Variants in SLC24A4 observed in about 807,000 individuals in gnomAD.
SLC24A4 encodes solute carrier family 24 member 4, also known as sodium/potassium/calcium exchanger 4.
SLC24A4 carries 53 observed loss-of-function variants against 79.0 expected under a neutral mutation model. The observed-to-expected ratio is 0.67, with a 90% CI of 0.54 to 0.84. The LOEUF (loss-of-function observed/expected upper bound fraction) is 0.84. SLC24A4 is among the 40% of genes least tolerant of loss of function. The pLI, the probability that SLC24A4 is intolerant of heterozygous loss-of-function variation, is 0.00. For missense variants in SLC24A4, 731 were observed against 822.0 expected, an observed-to-expected ratio of 0.89 and a Z score of 1.35; for synonymous variants, 323 against 323.8, an observed-to-expected ratio of 1.00 and a Z score of 0.03.
At chr14:92,395,466 C>CACACAT (rs1555365406) in intron 2 of SLC24A4, among the ~76,000 whole-genome samples, 54 of 151,024 alleles carry the variant, frequency 3.6e-4, no homozygotes, top group Non-Finnish European at 7.1e-4. Flanking sequence ...CACACACACA[C>CACACAT]GAAACTATCC....
chr14:92,335,379 A>C (rs1225650809), intron 2 of SLC24A4, among the ~76,000 whole-genome samples: 1 of 152,010 alleles, frequency 6.6e-6, no homozygotes, highest in Non-Finnish European at 1.5e-5. Context: ...TTTGAGACAA[A>C]GTTTCACTCT....
chr14:92,324,296 G>C (rs1412382157), intron 1 of SLC24A4, among the ~76,000 whole-genome samples: 2 of 152,272 alleles, frequency 1.3e-5, no homozygotes, highest in Non-Finnish European at 2.9e-5. Context: ...GGATTCTCTT[G>C]GTCTGGGGTG....
At chr14:92,461,154 T>C (rs1002907133) in intron 12 of SLC24A4, among the ~76,000 whole-genome samples, 5 of 152,152 alleles carry the variant, frequency 3.3e-5, no homozygotes, top group African/African-American at 1.2e-4. Context: ...GTCTGGGGAA[T>C]CTTGTGAGCC....
At chr14:92,415,321 G>A (rs371845570) in intron 2 of SLC24A4, among the ~76,000 whole-genome samples, 8 of 152,230 alleles carry the variant, frequency 5.3e-5, no homozygotes, top group Non-Finnish European at 1.2e-4. Context: ...GGTGGTCAGC[G>A]TGGGAAGTTT....
At position 92,342,446 on chromosome 14, in the gene SLC24A4, C is replaced by T. The variant is rs541105429; in HGVS notation, c.241+16468C>T. ...TCGCCCAGGCTGGAGTGCAATGGCG[C>T]GATCCCAGCTCACTGCAACCTCTGC... is the stretch of plus-strand genomic sequence containing the variant. On this transcript the variant is annotated intron_variant, in intron 2 of 16. Coordinates refer to ENST00000532405, the MANE Select transcript of SLC24A4 (RefSeq NM_153646.4). Among the ~76,000 whole-genome samples the T allele has an allele frequency of 4.7e-3, 719 of 151,790 alleles. 3 individuals carry two copies. The highest frequency in any genetic ancestry group is 0.011 in the South Asian group (53 of 4,804).
In SLC24A4 at chr14:92,453,899, G is replaced by T. The variant is rs1343236186; in HGVS notation, c.881-1G>T. Reference sequence around the variant, plus strand: ...ACTAATCACGGTGTTGCGCTCAACAGTGAAGGAGAAGCCACAGTATGGCAA... The same window carrying T: ...ACTAATCACGGTGTTGCGCTCAACATTGAAGGAGAAGCCACAGTATGGCAA... On this transcript the variant is annotated splice_acceptor_variant, in intron 10 of 16. Transcript: ENST00000532405. LOFTEE classifies it high-confidence loss of function. The T allele has an allele frequency of 1.2e-6, 2 of 1,609,336 alleles. No homozygotes were observed. Among genetic ancestry groups the T allele is most frequent in the Non-Finnish European group, 1.7e-6 (2 of 1,178,022 alleles).
intron 7 of SLC24A4, 167 bp from the exon 8 acceptor site, chr14:92,445,150 A>G: frequency 1.3e-6 from 1 of 754,350 alleles, no homozygotes; most frequent in Non-Finnish European, 2.4e-6. Context: ...CTGCTGGCCT[A>G]GGCTACACTA....
At chr14:92,365,537 T>C (rs536735133) in intron 2 of SLC24A4, among the ~76,000 whole-genome samples, 3 of 152,234 alleles carry the variant, frequency 2.0e-5, no homozygotes, top group African/African-American at 7.2e-5. Flanking sequence ...GAGCCCCGGG[T>C]GCTGGTCTGT....
intron 2 of SLC24A4, among the ~76,000 whole-genome samples, chr14:92,431,528 AG>A (rs1387537531): frequency 2.6e-5 from 4 of 152,208 alleles, no homozygotes; most frequent in African/African-American, 7.2e-5. Flanking sequence ...CAGTGTCTAG[AG>A]GATTTTAATC....
intron 12 of SLC24A4, among the ~76,000 whole-genome samples, chr14:92,472,445 T>C (rs996787913): frequency 6.6e-6 from 1 of 152,186 alleles, no homozygotes; most frequent in Non-Finnish European, 1.5e-5. Context: ...GTATCATTCT[T>C]ATGCCTTTGG....
At chr14:92,467,518 T>C (rs1894189109) in intron 12 of SLC24A4, among the ~76,000 whole-genome samples, 1 of 152,170 alleles carries the variant, frequency 6.6e-6, no homozygotes, top group Non-Finnish European at 1.5e-5. Context: ...AAGTGGGTCT[T>C]GGGAATTTTT....
chr14:92,374,159 G>A (rs747418046), intron 2 of SLC24A4, among the ~76,000 whole-genome samples: 3 of 152,204 alleles, frequency 2.0e-5, no homozygotes, highest in Non-Finnish European at 4.4e-5. Context: ...CCTAGAGATC[G>A]AAGCATGGTT....
At chr14:92,410,633 A>G (rs1890659289) in intron 2 of SLC24A4, among the ~76,000 whole-genome samples, 3 of 152,294 alleles carry the variant, frequency 2.0e-5, no homozygotes, top group Admixed American at 6.5e-5. Context: ...CCCTTTACAT[A>G]ATCCGCTCAC....
rs549267629 is a variant in SLC24A4 at position 92,491,862 on chromosome 14, C to A, written c.1650+85C>A. ...AGTTCCAGCCAGAGGCTCTAGGAGA[C>A]GACCTCCTCCTCTCCTTGGCACTCA... is the stretch of plus-strand genomic sequence containing the variant. On this transcript the variant is annotated intron_variant, in intron 15 of 16. Coordinates refer to ENST00000532405, the MANE Select transcript of SLC24A4 (RefSeq NM_153646.4). The A allele has an allele frequency of 3.9e-6, 4 of 1,037,298 alleles. No individual in the cohort carries two copies. The Admixed American group carries it at 7.4e-5, about 19-fold the overall frequency. 64.3% of individuals were successfully genotyped at this position (1,037,298 alleles called of 1,614,324 possible).
intron 2 of SLC24A4, among the ~76,000 whole-genome samples, chr14:92,418,342 G>A (rs73337479): frequency 0.092 from 13,954 of 152,128 alleles, 1,079 homozygotes; most frequent in African/African-American, 0.19. Context: ...TGGCCTCCTG[G>A]TTCTGCCCAT....
chr14:92,420,686 C>T (rs915168744), intron 2 of SLC24A4, among the ~76,000 whole-genome samples: 3 of 152,160 alleles, frequency 2.0e-5, no homozygotes, highest in Non-Finnish European at 4.4e-5. Context: ...ACTGGCCATA[C>T]GGTCTAGTTA....
At position 92,482,711 on chromosome 14, in the gene SLC24A4, C is replaced by T. The variant is rs1418548480; in HGVS notation, c.1287C>T (p.Phe429=). ...GAGGGGACAAGGTCAAGTGGGTGTTCACCTGGCCCCTCATCTTCCTCCTGT... is the reference window on the plus strand; with the variant it reads ...GAGGGGACAAGGTCAAGTGGGTGTTTACCTGGCCCCTCATCTTCCTCCTGT... ...EARGDKVKWV[F]TWPLIFLLCV... Residue 429 remains phenylalanine (F), a synonymous_variant, in exon 13 of 17, where the codon TTC becomes TTT. Transcript: ENST00000532405. 1 of 1,614,052 alleles carries T rather than the reference C, an allele frequency of 6.2e-7. No individual in the cohort carries two copies. The highest frequency in any genetic ancestry group is 1.7e-5 in the Admixed American group (1 of 60,004).
In SLC24A4 at chr14:92,439,394, A is replaced by G. The variant is rs371110734; in HGVS notation, c.378A>G (p.Leu126=). ...IVCDDFFVPS[L]EKICERLHLS... The stretch of plus-strand genomic sequence containing the variant: ...GCGATGACTTCTTTGTTCCGTCTCT[A>G]GAGAAGATCTGTGAGGTATGTGGAA... Residue 126 remains leucine, a synonymous_variant, in exon 4 of 17, where the codon CTA becomes CTG. Coordinates refer to ENST00000532405, the MANE Select transcript of SLC24A4 (RefSeq NM_153646.4). 2.2e-5 allele frequency: 36 copies of G among 1,612,606 alleles called. No homozygotes were observed. The highest frequency in any genetic ancestry group is 5.0e-5 in the Admixed American group (3 of 59,976).
intron 2 of SLC24A4, 28 bp downstream of exon 2, chr14:92,326,006 T>TCTA: frequency 6.6e-7 from 1 of 1,507,000 alleles, no homozygotes; most frequent in Non-Finnish European, 9.2e-7. Flanking sequence ...CTCCACTCAG[T>TCTA]CTACTAAGAT....
Sources: allele counts gnomAD v4.1 joint callset (sites outside exome capture counted in the v4.1 genomes callset), GRCh38; gene constraint gnomAD v4.1.1; transcripts MANE v1.5; gene names NCBI Gene and HGNC (gene_info 2026-07-23, HGNC 2026-07-21).